The following TRPM2 variants were observed in gnomAD, a reference collection of about 807,000 sequenced individuals.
The protein encoded by TRPM2 is transient receptor potential cation channel subfamily M member 2, also known as estrogen-responsive element-associated gene 1 protein.
Under a neutral mutation model 174.0 loss-of-function variants are expected in TRPM2, and 161 were observed. The observed-to-expected ratio is 0.93, with a 90% CI of 0.81 to 1.05. TRPM2 has a LOEUF of 1.05. Among genes scored for constraint, TRPM2 ranks in the 50% least tolerant of loss-of-function variants. The pLI is 0.00. For synonymous variants in TRPM2, 954 were observed against 861.3 expected (o/e 1.11, Z -1.88); for missense variants, 2,057 against 2,038.0 (o/e 1.01, Z -0.18).
At chr21:44,358,641 T>C (rs2048123106) in intron 2 of TRPM2, among the ~76,000 whole-genome samples, 1 of 152,202 alleles carries the variant, frequency 6.6e-6, no homozygotes, top group Admixed American at 6.5e-5. Context: ...AGGAGGTAGC[T>C]TGTGATAGGC....
At chr21:44,372,579 TG>T (rs993371631) in intron 5 of TRPM2, among the ~76,000 whole-genome samples, 2 of 152,254 alleles carry the variant, frequency 1.3e-5, no homozygotes, top group African/African-American at 2.4e-5. Context: ...CTGAAGACTC[TG>T]GGTCTGATCC....
intron 5 of TRPM2, among the ~76,000 whole-genome samples, chr21:44,371,560 T>C (rs1478045811): frequency 6.6e-6 from 1 of 151,848 alleles, no homozygotes; most frequent in African/African-American, 2.4e-5. Context: ...CCCGTGGCCT[T>C]CTCTGTGTGC....
intron 30 of TRPM2, among the ~76,000 whole-genome samples, chr21:44,440,304 C>CCAGCCTGGGGAACAG (rs1555907335): frequency 1.4e-3 from 59 of 41,352 alleles, no homozygotes; most frequent in African/African-American, 4.1e-3. Context: ...CCACTGCGCT[C>CCAGCCTGGGGAACAG]AAAAAAAAAA....
intron 19 of TRPM2, among the ~76,000 whole-genome samples, chr21:44,408,678 G>A (rs117523901): frequency 0.017 from 1,754 of 105,846 alleles, 23 homozygotes; most frequent in Non-Finnish European, 0.024. Context: ...TTTTTTTTCC[G>A]ACAGGGTCTC....
intron 3 of TRPM2, among the ~76,000 whole-genome samples, chr21:44,365,847 C>T (rs983769513): frequency 1.4e-4 from 21 of 152,242 alleles, no homozygotes; most frequent in Non-Finnish European, 2.8e-4. Flanking sequence ...CTGCTCCTCC[C>T]AGGGAGACCA....
intron 27 of TRPM2, among the ~76,000 whole-genome samples, chr21:44,428,279 GGT>G (rs1192722321): frequency 2.0e-5 from 3 of 152,124 alleles, no homozygotes; most frequent in Non-Finnish European, 4.4e-5. Flanking sequence ...GATTGTATAA[GGT>G]GTGAGGAGGG....
Position 44,437,100 on chromosome 21 carries a change from G to T in TRPM2, c.4100G>T (p.Ser1367Ile), listed in dbSNP as rs2051299713. The T allele has an allele frequency of 6.4e-7, 1 of 1,551,312 alleles. No homozygotes were observed. Among genetic ancestry groups the T allele is most frequent in the South Asian group, 1.2e-5 (1 of 84,064 alleles). The change falls in exon 29 of 32, where the codon AGC (serine) becomes ATC (isoleucine). Residue 1367 changes from serine to isoleucine, a missense_variant. Ser to Ile is a moderately radical substitution (Grantham distance 142, BLOSUM62 -2). Transcript: ENST00000397928. The stretch of plus-strand genomic sequence containing the variant: ...GAGGATGGAGCCATCTGCAGGAAGA[G>T]CATAAAGAAGATGCTGGAAGTGCTG... ...RNEDGAICRK[S>I]IKKMLEVLVV... is the part of the protein sequence containing the mutation.
rs34051764 is a variant in TRPM2, at chr21:44,398,206, G to GTTTTTTTTTTTTTT, written c.2062+342_2062+343insTTTTTTTTTTTTTT. Reference sequence around the variant, plus strand: ...CAGTCTCCCTGAAAATTTGGAGACTGTTTTTTTTTTTTGAGATGGAGTGTC... The same window carrying GTTTTTTTTTTTTTT: ...CAGTCTCCCTGAAAATTTGGAGACTGTTTTTTTTTTTTTTTTTTTTTTTTTTGAGATGGAGTGTC... On this transcript the variant is annotated intron_variant, in intron 13 of 31. Coordinates refer to ENST00000397928, the MANE Select transcript of TRPM2 (RefSeq NM_003307.4). Among the ~76,000 whole-genome samples, 690 of 144,618 alleles carry GTTTTTTTTTTTTTT rather than the reference G, an allele frequency of 4.8e-3. 31 individuals carry two copies. Among genetic ancestry groups the GTTTTTTTTTTTTTT allele is most frequent in the African/African-American group, 0.017 (639 of 37,454 alleles). 94.9% of individuals were successfully genotyped at this position (144,618 alleles called of 152,430 possible).
chr21:44,384,581 A>G (rs905223079), intron 9 of TRPM2, among the ~76,000 whole-genome samples: 3 of 152,226 alleles, frequency 2.0e-5, no homozygotes, highest in Non-Finnish European at 4.4e-5. Context: ...TAATCCATTC[A>G]TGAAGGCTTT....
At chr21:44,412,407 GTTCT>G (rs1414118691) in intron 19 of TRPM2, among the ~76,000 whole-genome samples, 1 of 151,950 alleles carries the variant, frequency 6.6e-6, no homozygotes, top group African/African-American at 2.4e-5. Flanking sequence ...TTTCCTTTGA[GTTCT>G]TTTTCTTTTT....
At chr21:44,411,006 G>C (rs1461699522) in intron 19 of TRPM2, among the ~76,000 whole-genome samples, 2 of 151,124 alleles carry the variant, frequency 1.3e-5, no homozygotes, top group Admixed American at 1.3e-4. Context: ...TAGCCTTGTA[G>C]TAAGTTTTGA....
At chr21:44,403,607 A>G (rs1601163088) in intron 16 of TRPM2, among the ~76,000 whole-genome samples, 1 of 151,602 alleles carries the variant, frequency 6.6e-6, no homozygotes, top group Non-Finnish European at 1.5e-5. Flanking sequence ...CACAGTACAC[A>G]CATAGGCACA....
chr21:44,410,462 T>C (rs2050068396), intron 19 of TRPM2, among the ~76,000 whole-genome samples: 1 of 73,660 alleles, frequency 1.4e-5, no homozygotes, highest in African/African-American at 3.9e-5. Flanking sequence ...CGCACTGTCT[T>C]GGTGAGCGTA....
intron 15 of TRPM2, among the ~76,000 whole-genome samples, chr21:44,401,260 A>T (rs1369673834): frequency 6.6e-6 from 1 of 152,006 alleles, no homozygotes; most frequent in Admixed American, 6.6e-5. Flanking sequence ...ACCCCCATTG[A>T]GGACGGCAAG....
Position 44,441,856 on chromosome 21 carries a change from TC to T in TRPM2, c.*45del, listed in dbSNP as rs1284692330. ...CTGGGCGGCTCCAGTCCATAGACGT[TC>T]CCCCCAGAAACCAGGGCTTCTCTCT... On this transcript the variant is annotated 3_prime_UTR_variant, in exon 32 of 32. Transcript: ENST00000397928. The T allele has an allele frequency of 3.9e-6, 6 of 1,551,510 alleles. No homozygotes were observed. Among genetic ancestry groups the T allele is most frequent in the Admixed American group, 1.8e-5 (1 of 54,408 alleles).
At chr21:44,393,580 G>T (rs921634763) in intron 11 of TRPM2, among the ~76,000 whole-genome samples, 1 of 151,972 alleles carries the variant, frequency 6.6e-6, no homozygotes, top group Non-Finnish European at 1.5e-5. Context: ...TTCCTTCTCC[G>T]CTCCAGGACA....
chr21:44,385,107 T>C (rs1178897144), intron 9 of TRPM2, among the ~76,000 whole-genome samples: 1 of 152,232 alleles, frequency 6.6e-6, no homozygotes, highest in Non-Finnish European at 1.5e-5. Flanking sequence ...GATTTATTCC[T>C]GGAATGCAAG....
At position 44,399,456 on chromosome 21, in the gene TRPM2, GC is replaced by G. The variant is rs764891792; in HGVS notation, c.2208+19del. 2 of 1,605,670 alleles carry G rather than the reference GC, an allele frequency of 1.2e-6. No individual in the cohort carries two copies. Among genetic ancestry groups the G allele is most frequent in the Admixed American group, 1.7e-5 (1 of 59,054 alleles). On this transcript the variant is annotated intron_variant, in intron 14 of 31. Transcript: ENST00000397928. The surrounding 1 kb of genome is among the most constrained non-coding windows in gnomAD (Gnocchi z 4.6). Reference sequence around the variant, plus strand: ...GGGGCATCCAGGTGACCTCCCAAGAGCCCCTTCCAGAAACAGACGCCTGTGG... The same window carrying G: ...GGGGCATCCAGGTGACCTCCCAAGAGCCCTTCCAGAAACAGACGCCTGTGG...
intron 17 of TRPM2, among the ~76,000 whole-genome samples, chr21:44,405,693 G>C (rs1482603205): frequency 6.6e-6 from 1 of 152,150 alleles, no homozygotes; most frequent in Non-Finnish European, 1.5e-5. Context: ...CCCATGCCAG[G>C]CTGCCCTGTG....
Sources: gnomAD v4.1 joint callset for allele counts (sites outside exome capture counted in the v4.1 genomes callset) on GRCh38, gnomAD v4.1.1 for gene constraint, Gnocchi (gnomAD v3.1) non-coding constraint, MANE v1.5 for transcripts, NCBI Gene and HGNC (gene_info 2026-07-23, HGNC 2026-07-21) for gene names.